The following RBFOX1 variants were observed in gnomAD, a reference collection of about 807,000 sequenced individuals.
RBFOX1 encodes the protein RNA binding fox-1 homolog 1.
RBFOX1 carries 8 observed loss-of-function variants against 57.7 expected under a neutral mutation model. That is an observed-to-expected ratio of 0.14 (90% CI 0.08 to 0.25). The LOEUF is 0.25. RBFOX1 is among the 10% of genes least tolerant of loss of function. The pLI, the probability that RBFOX1 is intolerant of heterozygous loss-of-function variation, is 1.00. For missense variants in RBFOX1, 611 were observed against 548.5 expected (o/e 1.11, Z -1.14); for synonymous variants, 326 against 222.4 (o/e 1.47, Z -4.15).
chr16:7,388,959 T>A (rs17143536), intron 4 of RBFOX1, among the ~76,000 whole-genome samples: 1,927 of 152,182 alleles, frequency 0.013, 38 homozygotes, highest in African/African-American at 0.042. Flanking sequence ...ACGCAGAGCT[T>A]AATAGAGTGC....
chr16:6,964,737 T>G (rs1289865591), intron 3 of RBFOX1, among the ~76,000 whole-genome samples: 1 of 152,224 alleles, frequency 6.6e-6, no homozygotes, highest in East Asian at 1.9e-4. Flanking sequence ...GAAGCACTTG[T>G]CCCTGCAATT....
intron 1 of RBFOX1, among the ~76,000 whole-genome samples, chr16:6,120,674 T>C (rs915498766): frequency 6.6e-6 from 1 of 152,222 alleles, no homozygotes; most frequent in Non-Finnish European, 1.5e-5. Context: ...TTATTAATAT[T>C]AATTTTCCCT....
At chr16:6,514,040 G>A (rs1425728411) in intron 2 of RBFOX1, among the ~76,000 whole-genome samples, 1 of 152,188 alleles carries the variant, frequency 6.6e-6, no homozygotes, top group African/African-American at 2.4e-5. Flanking sequence ...AACACCTCAA[G>A]GCATGAACTG....
chr16:5,395,040 C>G (rs551578016), intron 1 of RBFOX1, among the ~76,000 whole-genome samples: 4 of 152,108 alleles, frequency 2.6e-5, no homozygotes, highest in African/African-American at 9.7e-5. Flanking sequence ...GCCAGGTGCT[C>G]GACACCCTTC....
chr16:5,270,601 C>CA, intron 1 of RBFOX1: 2 of 578,718 alleles, frequency 3.5e-6, no homozygotes, highest in Admixed American at 4.4e-5. Context: ...TTGGTTTTAC[C>CA]AAAAAACGCA....
At chr16:5,346,355 T>C (rs2065139112) in intron 1 of RBFOX1, among the ~76,000 whole-genome samples, 1 of 152,150 alleles carries the variant, frequency 6.6e-6, no homozygotes, top group Non-Finnish European at 1.5e-5. Context: ...ATCATCATCG[T>C]CATTACATAA....
chr16:6,868,987 C>T (rs1311829718), intron 3 of RBFOX1, among the ~76,000 whole-genome samples: 1 of 152,176 alleles, frequency 6.6e-6, no homozygotes, highest in African/African-American at 2.4e-5. Context: ...TCTGTCAGCT[C>T]ATGTCCCTGA....
chr16:5,266,698 G>A (rs2062867774), intron 1 of RBFOX1, among the ~76,000 whole-genome samples: 2 of 151,812 alleles, frequency 1.3e-5, no homozygotes, highest in East Asian at 1.9e-4. Flanking sequence ...ACAGGCATGT[G>A]CCACCACTCT....
chr16:5,347,223 C>G (rs1294164330), intron 1 of RBFOX1, among the ~76,000 whole-genome samples: 1 of 152,126 alleles, frequency 6.6e-6, no homozygotes, highest in African/African-American at 2.4e-5. Flanking sequence ...TATTGCATGT[C>G]TCTTCTAACC....
intron 2 of RBFOX1, among the ~76,000 whole-genome samples, chr16:6,571,535 G>T (rs901600520): frequency 6.6e-6 from 1 of 152,054 alleles, no homozygotes; most frequent in Non-Finnish European, 1.5e-5. Flanking sequence ...TTTGTGTGCT[G>T]GGGTAGTCGG....
At chr16:6,047,706 C>T (rs916957388) in intron 1 of RBFOX1, among the ~76,000 whole-genome samples, 1 of 152,292 alleles carries the variant, frequency 6.6e-6, no homozygotes, top group African/African-American at 2.4e-5. Flanking sequence ...GATTTAGCTA[C>T]CATGACAGTG....
chr16:6,998,595 T>C (rs182277759), intron 3 of RBFOX1, among the ~76,000 whole-genome samples: 1 of 152,176 alleles, frequency 6.6e-6, no homozygotes, highest in East Asian at 1.9e-4. Flanking sequence ...GGTTATATCA[T>C]TGTGATCGAT....
intron 2 of RBFOX1, among the ~76,000 whole-genome samples, chr16:6,516,154 G>A (rs796564944): frequency 4.6e-5 from 7 of 152,064 alleles, no homozygotes; most frequent in East Asian, 1.9e-4. Context: ...TCAGCCTCCC[G>A]AGTAGCTGGG....
At chr16:6,760,821 A>C (rs1008772203) in intron 3 of RBFOX1, among the ~76,000 whole-genome samples, 2 of 152,142 alleles carry the variant, frequency 1.3e-5, no homozygotes, top group Non-Finnish European at 2.9e-5. Flanking sequence ...ACTAGAACCA[A>C]CACCAACAGT....
At chr16:7,099,578 A>G (rs934010031) in intron 4 of RBFOX1, among the ~76,000 whole-genome samples, 3 of 152,128 alleles carry the variant, frequency 2.0e-5, no homozygotes, top group African/African-American at 7.2e-5. Context: ...TTAAGGTTGC[A>G]CCCTTGACAC....
intron 1 of RBFOX1, among the ~76,000 whole-genome samples, chr16:5,436,340 A>C (rs992921630): frequency 1.3e-5 from 2 of 152,184 alleles, no homozygotes; most frequent in African/African-American, 4.8e-5. Context: ...GGATTAGTTC[A>C]GGGGCTACAG....
chr16:6,642,200 A>G (rs1001958402), intron 2 of RBFOX1, among the ~76,000 whole-genome samples: 3 of 152,108 alleles, frequency 2.0e-5, no homozygotes, highest in African/African-American at 7.2e-5. Flanking sequence ...TCGGTGCTGT[A>G]TTTTTCAGCA....
intron 3 of RBFOX1, among the ~76,000 whole-genome samples, chr16:5,718,522 T>G (rs1408614598): frequency 2.0e-5 from 3 of 152,244 alleles, no homozygotes; most frequent in Non-Finnish European, 4.4e-5. Context: ...AATACAAGGC[T>G]TGGAAGAGAG....
intron 4 of RBFOX1, among the ~76,000 whole-genome samples, chr16:7,280,784 T>G (rs2141140309): frequency 6.6e-6 from 1 of 152,196 alleles, no homozygotes; most frequent in African/African-American, 2.4e-5. Flanking sequence ...GAGACACTAG[T>G]AACACCCTTT....
Sources: gnomAD v4.1 joint callset for allele counts (sites outside exome capture counted in the v4.1 genomes callset) on GRCh38, gnomAD v4.1.1 for gene constraint, MANE v1.5 for transcripts, NCBI Gene and HGNC (gene_info 2026-07-23, HGNC 2026-07-21) for gene names.